DMXL2: variants seen among roughly 807,000 people sequenced by gnomAD.
DMXL2 encodes the protein dmX-like protein 2.
A neutral mutation model predicts 331.1 loss-of-function variants in DMXL2; 103 were observed. The observed-to-expected ratio is 0.31, with a 90% CI of 0.27 to 0.37. DMXL2 has a LOEUF of 0.37. Ranked by LOEUF, DMXL2 falls within the 10% of genes least tolerant of loss-of-function variation. The pLI is 1.00. For synonymous variants in DMXL2, 1,281 were observed against 1,252.1 expected (o/e 1.02, Z -0.49); for missense variants, 3,171 against 3,642.9 (o/e 0.87, Z 3.33).
At chr15:51,507,486 G>A (rs889670770) in intron 15 of DMXL2, among the ~76,000 whole-genome samples, 3 of 152,108 alleles carry the variant, frequency 2.0e-5, no homozygotes, top group Admixed American at 2.0e-4. Flanking sequence ...ATACCTACTA[G>A]TCAAAGAGGG....
chr15:51,550,747 G>A lies in DMXL2; in HGVS notation c.568-3339C>T, dbSNP rs575416023. The stretch of plus-strand genomic sequence containing the variant: ...TTTCAGCAAACATCTCCTAGTAAGC[G>A]AACCAGAGAAAACCAATTCTTAAAC... On this transcript the variant is annotated intron_variant, in intron 6 of 43. Transcript: ENST00000560891. Among the ~76,000 whole-genome samples, 171 of 152,034 alleles carry A rather than the reference G, an allele frequency of 1.1e-3. 1 individual carries two copies. Among genetic ancestry groups the A allele is most frequent in the South Asian group, 1.0e-2 (48 of 4,814 alleles).
At chr15:51,511,722 C>A (rs1441990389) in intron 15 of DMXL2, among the ~76,000 whole-genome samples, 1 of 152,168 alleles carries the variant, frequency 6.6e-6, no homozygotes, top group Admixed American at 6.5e-5. Context: ...ATCATTCTAC[C>A]ATAAAGACAC....
intron 27 of DMXL2, 31 bp downstream of exon 27, chr15:51,476,557 GA>G (rs1483293257): frequency 1.1e-5 from 18 of 1,582,448 alleles, no homozygotes; most frequent in Non-Finnish European, 1.5e-5. Context: ...CCAACTAGAA[GA>G]TTTTTTTTTT....
At chr15:51,490,821 C>T (rs1379238263) in intron 20 of DMXL2, among the ~76,000 whole-genome samples, 1 of 152,084 alleles carries the variant, frequency 6.6e-6, no homozygotes, top group Non-Finnish European at 1.5e-5. Flanking sequence ...ATATGTTCTT[C>T]AAGTACATAC....
At position 51,500,036 on chromosome 15, in the gene DMXL2, C is replaced by T. The variant is rs1466963700; in HGVS notation, c.3188G>A (p.Ser1063Asn). Residue 1063 changes from serine to asparagine, a missense_variant, in exon 18 of 44, where the codon AGT becomes AAT. By Grantham distance (46) the Ser-to-Asn change is conservative (BLOSUM62 1). Around this residue, in one of 7 missense-constraint regions of DMXL2, gnomAD observed 1,674 missense variants for 1,780.2 expected, o/e 0.94. Transcript: ENST00000560891. ...LMNDEGEDNS[S>N]TVSIVGRPVA... ...TGGTCTTCCCACAATGCTCACTGTA[C>T]TGCTATTATCTTCTCCTTCATCATT... The T allele has an allele frequency of 1.9e-6, 3 of 1,614,154 alleles. No homozygotes were observed. The highest frequency in any genetic ancestry group is 2.5e-6 in the Non-Finnish European group (3 of 1,180,028).
Position 51,453,597 on chromosome 15 carries a change from A to T in DMXL2, c.8649T>A (p.Ile2883=), listed in dbSNP as rs1368414403. The T allele has an allele frequency of 1.2e-6, 2 of 1,613,912 alleles. No homozygotes were observed. The highest frequency in any genetic ancestry group is 1.7e-5 in the Admixed American group (1 of 59,984). ...HSKATSDFAF[I]TSSSLVATSG... The stretch of plus-strand genomic sequence containing the variant: ...ATGTGGCAACTAGACTTGAAGAGGT[A>T]ATAAATGCAAAGTCACTTGTGGCTT... Residue 2883 remains isoleucine (I), a synonymous_variant, in exon 41 of 44, where the codon ATT becomes ATA. Transcript: ENST00000560891.
In DMXL2 at chr15:51,499,468, G is replaced by A; in HGVS notation, c.3756C>T (p.Leu1252=). The stretch of plus-strand genomic sequence containing the variant: ...CCAATATCCCATCTCTTACCCAAGA[G>A]AGAGAAACAGGCAGTGAAGGAGTAC... ...VDGTPSLPVS[L]SWVRDGILVV... Residue 1252 remains leucine (L), a synonymous_variant, in exon 18 of 44, where the codon CTC becomes CTT. Coordinates refer to ENST00000560891, the MANE Select transcript of DMXL2 (RefSeq NM_001378457.1). 6.2e-7 allele frequency: 1 copy of A among 1,614,050 alleles called. No homozygotes were observed. Among genetic ancestry groups the A allele is most frequent in the Non-Finnish European group, 8.5e-7 (1 of 1,180,018 alleles).
chr15:51,481,123 C>A lies in DMXL2; in HGVS notation c.5983G>T (p.Gly1995Cys). 1 of 1,611,782 alleles carries A rather than the reference C, an allele frequency of 6.2e-7. No homozygotes were observed. Among genetic ancestry groups the A allele is most frequent in the Non-Finnish European group, 8.5e-7 (1 of 1,178,258 alleles). ...ALDEEEDDAV[G>C]LVMKSTDARE... ...GCATCTGTACTTTTCATCACTAAACCAACAGCATCGTCTTCCTCTTCATCT... is the reference window on the plus strand; with the variant it reads ...GCATCTGTACTTTTCATCACTAAACAAACAGCATCGTCTTCCTCTTCATCT... Residue 1995 changes from glycine to cysteine, a missense_variant, in exon 24 of 44, where the codon GGT becomes TGT. Around this residue, in one of 7 missense-constraint regions of DMXL2, gnomAD observed 244 missense variants for 251.4 expected, o/e 0.97. Coordinates refer to ENST00000560891, the MANE Select transcript of DMXL2 (RefSeq NM_001378457.1).
At position 51,495,077 on chromosome 15, in the gene DMXL2, G is replaced by T; in HGVS notation, c.4730C>A (p.Thr1577Lys). Reference protein sequence around the residue: ...LRYLLAMRLHTCLLTSLPPLY... With the variant: ...LRYLLAMRLHKCLLTSLPPLY... The stretch of plus-strand genomic sequence containing the variant: ...AGGAGGCAGCGATGTCAAAAGGCAT[G>T]TGTGTAGGCGCATAGCTAACAAGTA... The change falls in exon 19 of 44, where the codon ACA (threonine) becomes AAA (lysine). Residue 1577 changes from threonine (T) to lysine (K), a missense_variant. Around this residue, in one of 7 missense-constraint regions of DMXL2, gnomAD observed 252 missense variants for 387.4 expected, o/e 0.65. Transcript: ENST00000560891. The T allele has an allele frequency of 6.2e-7, 1 of 1,613,460 alleles. No individual in the cohort carries two copies. The highest frequency in any genetic ancestry group is 8.5e-7 in the Non-Finnish European group (1 of 1,179,490).
At chr15:51,604,820 T>G (rs1294276586) in intron 1 of DMXL2, among the ~76,000 whole-genome samples, 1 of 152,116 alleles carries the variant, frequency 6.6e-6, no homozygotes, top group Non-Finnish European at 1.5e-5. Flanking sequence ...GTTCAAAGAA[T>G]CACACTACTC....
intron 19 of DMXL2, among the ~76,000 whole-genome samples, chr15:51,494,257 A>G (rs2140453590): frequency 6.6e-6 from 1 of 152,346 alleles, no homozygotes; most frequent in African/African-American, 2.4e-5. Context: ...TTATGTTTTC[A>G]AAGAACATTC....
intron 13 of DMXL2, among the ~76,000 whole-genome samples, chr15:51,519,634 TTG>T (rs2047231343): frequency 2.0e-5 from 3 of 147,616 alleles, no homozygotes; most frequent in Non-Finnish European, 3.0e-5. Flanking sequence ...ACAAAGTCTC[TTG>T]TTTTTTTTTT....
intron 14 of DMXL2, 117 bp downstream of exon 14, chr15:51,516,961 T>A: frequency 1.3e-6 from 1 of 790,622 alleles, no homozygotes; most frequent in East Asian, 2.5e-5. Context: ...TCAACATAAG[T>A]TGTCTGCATT....
chr15:51,596,492 C>T (rs140448032), intron 1 of DMXL2, among the ~76,000 whole-genome samples: 2,906 of 152,318 alleles, frequency 0.019, 94 homozygotes, highest in African/African-American at 0.065. Context: ...ACTAGTTCGA[C>T]CATTGTGGAA....
chr15:51,522,554 G>T (rs562599656), intron 13 of DMXL2, among the ~76,000 whole-genome samples: 3 of 152,306 alleles, frequency 2.0e-5, no homozygotes, highest in Admixed American at 6.5e-5. Context: ...TGAGGCACAA[G>T]AATCACTTGA....
chr15:51,583,106 C>CTTTTTTTTTTTTTCT (rs2051563028), intron 1 of DMXL2, among the ~76,000 whole-genome samples: 3 of 87,178 alleles, frequency 3.4e-5, no homozygotes, highest in Admixed American at 1.2e-4. Flanking sequence ...CTTCATTCTT[C>CTTTTTTTTTTTTTCT]TTTTTTTTTT....
chr15:51,607,272 C>T (rs2053653251), intron 1 of DMXL2, among the ~76,000 whole-genome samples: 1 of 151,194 alleles, frequency 6.6e-6, no homozygotes, highest in Non-Finnish European at 1.5e-5. Context: ...CTGGCTAACA[C>T]AGTGAAACCC....
intron 15 of DMXL2, 70 bp downstream of exon 15, chr15:51,514,372 A>T: frequency 1.1e-6 from 1 of 876,400 alleles, no homozygotes; most frequent in South Asian, 1.7e-5. Flanking sequence ...GAAGATCCAT[A>T]CTCAGTGAAA....
chr15:51,474,644 G>A (rs1370631838), intron 27 of DMXL2, 52 bp from the exon 28 acceptor site: 6 of 1,499,764 alleles, frequency 4.0e-6, no homozygotes, highest in South Asian at 2.7e-5. Flanking sequence ...AGCACCAGAA[G>A]GAAAAAACAT....
Sources: gnomAD v4.1 joint callset for allele counts (sites outside exome capture counted in the v4.1 genomes callset) on GRCh38, gnomAD v4.1.1 for gene constraint, gnomAD v4.1.1 regional missense constraint, MANE v1.5 for transcripts, NCBI Gene and HGNC (gene_info 2026-07-23, HGNC 2026-07-21) for gene names.